Variants in KCMF1 observed in about 807,000 individuals in gnomAD.
KCMF1 encodes the protein E3 ubiquitin-protein ligase KCMF1.
KCMF1 carries 3 observed loss-of-function variants against 41.1 expected under a neutral mutation model. That is an observed-to-expected ratio of 0.07 (90% CI 0.03 to 0.19). KCMF1 has a LOEUF of 0.19. Among genes scored for constraint, KCMF1 ranks in the 10% least tolerant of loss-of-function variants. The probability of loss-of-function intolerance (pLI) is 1.00; values close to 1 mark genes in which losing one functional copy is unlikely to be tolerated. For missense variants in KCMF1, 286 were observed against 488.9 expected (o/e 0.58, Z 3.91); for synonymous variants, 142 against 164.5 (o/e 0.86, Z 1.04).
chr2:84,978,879 C>G (rs1336551758), intron 1 of KCMF1, among the ~76,000 whole-genome samples: 1 of 152,096 alleles, frequency 6.6e-6, no homozygotes, highest in African/African-American at 2.4e-5. Context: ...CCATGTCTGG[C>G]TCATTTTGTG....
chr2:84,989,350 C>T (rs113566336), intron 1 of KCMF1, among the ~76,000 whole-genome samples: 1 of 152,132 alleles, frequency 6.6e-6, no homozygotes, highest in African/African-American at 2.4e-5. Flanking sequence ...GATGGATTGC[C>T]AGGCTTGTGG....
Position 85,027,925 on chromosome 2 carries a change from G to A in KCMF1, c.53G>A (p.Arg18Gln), listed in dbSNP as rs1574033143. Reference protein sequence around the residue: ...SCDACLKGNFRGRRYKCLICY... With the variant: ...SCDACLKGNFQGRRYKCLICY... ...GATGCATGTTTAAAAGGAAATTTTC[G>A]AGGTCGCAGATATAAGTGTTTAATT... Residue 18 changes from arginine to glutamine, a missense_variant, in exon 2 of 7, where the codon CGA becomes CAA. By Grantham distance (43) the Arg-to-Gln change is conservative. Coordinates refer to ENST00000409785, the MANE Select transcript of KCMF1 (RefSeq NM_020122.5). The A allele has an allele frequency of 5.6e-6, 9 of 1,609,208 alleles. No individual in the cohort carries two copies. The highest frequency in any genetic ancestry group is 1.3e-5 in the African/African-American group (1 of 74,746).
chr2:85,016,695 CT>C (rs747440965), intron 1 of KCMF1, among the ~76,000 whole-genome samples: 293 of 142,882 alleles, frequency 2.1e-3, no homozygotes, highest in Middle Eastern at 7.1e-3. Flanking sequence ...TATAGTTTAT[CT>C]TTTTTTTTTT....
intron 6 of KCMF1, among the ~76,000 whole-genome samples, chr2:85,050,607 A>T (rs1181788546): frequency 6.6e-6 from 1 of 152,234 alleles, no homozygotes; most frequent in Non-Finnish European, 1.5e-5. Context: ...AGCAATGATG[A>T]GTGGAGACTT....
intron 2 of KCMF1, among the ~76,000 whole-genome samples, chr2:85,030,710 G>T (rs1675246941): frequency 6.6e-6 from 1 of 152,058 alleles, no homozygotes; most frequent in African/African-American, 2.4e-5. Flanking sequence ...GTTTTTGTTT[G>T]TTTTTTGACA....
Position 85,027,963 on chromosome 2 carries a change from G to A in KCMF1, c.91G>A (p.Asp31Asn). Residue 31 changes from aspartate (D) to asparagine (N), a missense_variant, in exon 2 of 7, where the codon GAT becomes AAT. This residue lies in a region of KCMF1 where 95 missense variants were observed against 209.6 expected (regional missense o/e 0.45). Transcript: ENST00000409785. Reference sequence around the variant, plus strand: ...TAAGTGTTTAATTTGCTACGATTACGATCTTTGTGCATCTTGTTATGAAAG... The same window carrying A: ...TAAGTGTTTAATTTGCTACGATTACAATCTTTGTGCATCTTGTTATGAAAG... ...RYKCLICYDY[D>N]LCASCYESGA... 6.2e-7 allele frequency: 1 copy of A among 1,612,704 alleles called. No individual in the cohort carries two copies. Among genetic ancestry groups the A allele is most frequent in the Non-Finnish European group, 8.5e-7 (1 of 1,178,962 alleles).
rs927552574 is a variant in KCMF1, at chr2:85,054,625, A to G, written c.*1216A>G. 1.3e-5 allele frequency: 2 copies of G among 151,898 alleles called. No individual in the cohort carries two copies. The highest frequency in any genetic ancestry group is 2.1e-4 in the South Asian group (1 of 4,826). The allele number at this position is 151,898 out of a possible 1,614,324, so 9.4% of individuals were successfully genotyped here. On this transcript the variant is annotated 3_prime_UTR_variant, in exon 7 of 7. Coordinates refer to ENST00000409785, the MANE Select transcript of KCMF1 (RefSeq NM_020122.5). ...CGGGTTATTTTTTATTTCCTGTTTC[A>G]GTTTTTGTGCATAGACTTTCACAAT...
Position 84,971,268 on chromosome 2 carries a change from GCGCCGCCTCCCCGCCGC to G in KCMF1, c.-176_-160del. On this transcript the variant is annotated 5_prime_UTR_variant, in exon 1 of 7. Transcript: ENST00000409785. ...CCAGGCCCGGCCCCATTCCCGCCCC[GCGCCGCCTCCCCGCCGC>G]CGCCGCCGCCGCCGCCGCGGGAGCG... The G allele has an allele frequency of 6.5e-6, 1 of 153,160 alleles. No individual in the cohort carries two copies. The highest frequency in any genetic ancestry group is 1.4e-5 in the Non-Finnish European group (1 of 72,410). The allele number at this position is 153,160 out of a possible 1,614,324, so 9.5% of individuals were successfully genotyped here.
At chr2:85,041,151 GT>G (rs994846307) in intron 3 of KCMF1, among the ~76,000 whole-genome samples, 13 of 152,116 alleles carry the variant, frequency 8.5e-5, no homozygotes, top group Non-Finnish European at 1.6e-4. Flanking sequence ...ATCCCTAGTA[GT>G]TATGGAAGTT....
In KCMF1 at chr2:84,971,434, G is replaced by A; in HGVS notation, c.-18G>A. The A allele has an allele frequency of 2.4e-6, 3 of 1,244,972 alleles. No individual in the cohort carries two copies. The highest frequency in any genetic ancestry group is 2.1e-6 in the Non-Finnish European group (2 of 973,800). The allele number at this position is 1,244,972 out of a possible 1,614,324, so 77.1% of individuals were successfully genotyped here. ...GCCGGAGCCCGGGAGGGGCCGCGCC[G>A]CCACCGTCTGAACTAGGATGTCCCG... is the stretch of plus-strand genomic sequence containing the variant. On this transcript the variant is annotated 5_prime_UTR_variant, in exon 1 of 7. Transcript: ENST00000409785.
intron 1 of KCMF1, among the ~76,000 whole-genome samples, chr2:84,983,097 T>A (rs1673807451): frequency 6.6e-6 from 1 of 152,156 alleles, no homozygotes; most frequent in Non-Finnish European, 1.5e-5. Context: ...AAAGCCACCA[T>A]TGGAAGAGAA....
intron 1 of KCMF1, among the ~76,000 whole-genome samples, chr2:85,013,440 T>C (rs541212860): frequency 2.6e-5 from 4 of 152,308 alleles, no homozygotes; most frequent in African/African-American, 9.6e-5. Flanking sequence ...TCCCTCCTTA[T>C]ACATCTTGCA....
chr2:84,986,187 A>G (rs996098545), intron 1 of KCMF1, among the ~76,000 whole-genome samples: 1 of 152,204 alleles, frequency 6.6e-6, no homozygotes, highest in Non-Finnish European at 1.5e-5. Context: ...GCATTTAGAA[A>G]ACTCTTAGAA....
intron 2 of KCMF1, among the ~76,000 whole-genome samples, chr2:85,030,986 C>G (rs1330052626): frequency 6.6e-6 from 1 of 152,238 alleles, no homozygotes; most frequent in Non-Finnish European, 1.5e-5. Flanking sequence ...GCGTGAGCCA[C>G]CATGCCAAGC....
intron 1 of KCMF1, among the ~76,000 whole-genome samples, chr2:85,021,585 G>GCCTGGGCAA (rs765919051): frequency 2.0e-5 from 3 of 151,386 alleles, no homozygotes; most frequent in Non-Finnish European, 4.4e-5. Flanking sequence ...TTGCGCCACT[G>GCCTGGGCAA]CACTCCAGCC....
At chr2:85,002,614 GTTT>G (rs56358053) in intron 1 of KCMF1, among the ~76,000 whole-genome samples, 3 of 143,600 alleles carry the variant, frequency 2.1e-5, no homozygotes, top group African/African-American at 5.0e-5. Flanking sequence ...TCTTAACTGT[GTTT>G]TTTTTTTTTC....
chr2:85,022,132 TG>T (rs974580433), intron 1 of KCMF1, among the ~76,000 whole-genome samples: 24 of 152,082 alleles, frequency 1.6e-4, no homozygotes, highest in African/African-American at 5.8e-4. Flanking sequence ...TTTTTGTTGT[TG>T]TTTTTTGTTT....
chr2:84,979,412 T>C (rs1673646095), intron 1 of KCMF1, among the ~76,000 whole-genome samples: 1 of 151,522 alleles, frequency 6.6e-6, no homozygotes, highest in Admixed American at 6.6e-5. Context: ...TAATCCCAGC[T>C]ACTCGGGAGG....
chr2:84,993,837 A>G (rs1674106716), intron 1 of KCMF1, among the ~76,000 whole-genome samples: 1 of 151,734 alleles, frequency 6.6e-6, no homozygotes, highest in African/African-American at 2.4e-5. Flanking sequence ...TGGCCTCCCA[A>G]AGTGCTGGGA....
Sources: gnomAD v4.1 joint callset for allele counts (sites outside exome capture counted in the v4.1 genomes callset) on GRCh38, gnomAD v4.1.1 for gene constraint, gnomAD v4.1.1 regional missense constraint, MANE v1.5 for transcripts, NCBI Gene and HGNC (gene_info 2026-07-23, HGNC 2026-07-21) for gene names.